TNS3: variants seen among roughly 807,000 people sequenced by gnomAD.
TNS3 encodes tensin 3.
A neutral mutation model predicts 140.9 loss-of-function variants in TNS3; 45 were observed. The ratio of observed to expected loss-of-function variants is 0.32; its 90% CI spans 0.25 to 0.41. The LOEUF is 0.41. Ranked by LOEUF, TNS3 falls within the 10% of genes least tolerant of loss-of-function variation. TNS3 has a pLI of 1.00. For missense variants in TNS3, 1,716 were observed against 1,906.7 expected, an observed-to-expected ratio of 0.90 and a Z score of 1.86; for synonymous variants, 815 against 788.4, an observed-to-expected ratio of 1.03 and a Z score of -0.56.
rs116051558 is a variant in TNS3, at chr7:47,498,982, G to A, written c.-115+7925C>T. Among the ~76,000 whole-genome samples the A allele has an allele frequency of 7.5e-3, 1,149 of 152,372 alleles. 10 individuals carry two copies. Among genetic ancestry groups the A allele is most frequent in the African/African-American group, 0.026 (1,102 of 41,588 alleles). On this transcript the variant is annotated intron_variant, in intron 3 of 30. Coordinates refer to ENST00000311160, the MANE Select transcript of TNS3 (RefSeq NM_022748.12). The stretch of plus-strand genomic sequence containing the variant: ...CACTTCCTCAGTTGACAGTGGCTTG[G>A]TCCTGCTGGCCACCTTCGAGTCCAA...
At chr7:47,443,182 A>G (rs1795555022) in intron 4 of TNS3, among the ~76,000 whole-genome samples, 1 of 152,020 alleles carries the variant, frequency 6.6e-6, no homozygotes, top group African/African-American at 2.4e-5. Context: ...TGGCCACTCC[A>G]CTTCTTTGTC....
In TNS3 at chr7:47,407,528, C is replaced by T. The variant is rs1489935796; in HGVS notation, c.723+4199G>A. On this transcript the variant is annotated intron_variant, in intron 13 of 30. Coordinates refer to ENST00000311160, the MANE Select transcript of TNS3 (RefSeq NM_022748.12). The surrounding 1 kb of genome is among the most constrained non-coding windows in gnomAD (Gnocchi z 4.1). ...CACAGGGACTGGGCCGTCAATGGCA[C>T]CTGACTGCGCTAGTAATCTTACTAA... Among the ~76,000 whole-genome samples, 2 of 152,190 alleles carry T rather than the reference C, an allele frequency of 1.3e-5. No individual in the cohort carries two copies. Among genetic ancestry groups the T allele is most frequent in the Non-Finnish European group, 2.9e-5 (2 of 68,034 alleles).
At chr7:47,293,363 CAGGGA>C (rs1785821793) in intron 25 of TNS3, among the ~76,000 whole-genome samples, 1 of 152,168 alleles carries the variant, frequency 6.6e-6, no homozygotes, top group African/African-American at 2.4e-5. Flanking sequence ...TCCCAATTTG[CAGGGA>C]AGGGAGGGTG....
At chr7:47,524,528 C>T (rs1416563525) in intron 2 of TNS3, among the ~76,000 whole-genome samples, 7 of 152,078 alleles carry the variant, frequency 4.6e-5, no homozygotes, top group Middle Eastern at 3.4e-3. Flanking sequence ...GGAGGCCGGG[C>T]GCGGTGGCTC....
chr7:47,580,919 A>G (rs1784513725), intron 1 of TNS3, among the ~76,000 whole-genome samples: 1 of 152,218 alleles, frequency 6.6e-6, no homozygotes, highest in South Asian at 2.1e-4. Context: ...GCATTCAAAT[A>G]GTGAAAAAAA....
intron 20 of TNS3, among the ~76,000 whole-genome samples, chr7:47,331,334 C>A (rs184889266): frequency 3.3e-5 from 5 of 152,264 alleles, no homozygotes; most frequent in Admixed American, 3.3e-4. Context: ...CTGAGAATTA[C>A]GTGCTGGCCA....
intron 16 of TNS3, among the ~76,000 whole-genome samples, chr7:47,396,296 G>A (rs962924258): frequency 1.3e-5 from 2 of 152,134 alleles, no homozygotes; most frequent in Admixed American, 6.6e-5. Flanking sequence ...GGTGAACAGA[G>A]GACATGTTTG....
intron 20 of TNS3, among the ~76,000 whole-genome samples, chr7:47,327,043 G>A (rs1222515700): frequency 6.6e-6 from 1 of 152,194 alleles, no homozygotes; most frequent in Non-Finnish European, 1.5e-5. Context: ...TCACAGGCCA[G>A]CCACGCAGAG....
chr7:47,318,005 C>G (rs1010911642), intron 20 of TNS3, among the ~76,000 whole-genome samples: 1 of 152,240 alleles, frequency 6.6e-6, no homozygotes, highest in Non-Finnish European at 1.5e-5. Context: ...GCTGTAGCAT[C>G]AAGTACATTC....
chr7:47,441,169 T>C (rs967997060), intron 5 of TNS3, among the ~76,000 whole-genome samples: 5 of 152,070 alleles, frequency 3.3e-5, no homozygotes, highest in Non-Finnish European at 7.4e-5. Context: ...CATACATTTA[T>C]TTTTATTTTT....
At chr7:47,544,329 T>C (rs1584840904) in intron 1 of TNS3, among the ~76,000 whole-genome samples, 1 of 152,218 alleles carries the variant, frequency 6.6e-6, no homozygotes, top group Non-Finnish European at 1.5e-5. Context: ...GGAGCACACC[T>C]TTCTCATGGT....
At chr7:47,579,839 T>G (rs1477427351) in intron 1 of TNS3, 1 of 985,296 alleles carries the variant, frequency 1.0e-6, no homozygotes, top group East Asian at 1.1e-4. Context: ...TTCCACTCAC[T>G]GTTCTTGCCA....
intron 2 of TNS3, among the ~76,000 whole-genome samples, chr7:47,512,346 C>T (rs928602369): frequency 6.6e-6 from 1 of 152,210 alleles, no homozygotes; most frequent in Non-Finnish European, 1.5e-5. Flanking sequence ...TCCAAGGATC[C>T]GTGCCAGTCA....
At chr7:47,316,120 C>G (rs1431478602) in intron 20 of TNS3, among the ~76,000 whole-genome samples, 1 of 148,990 alleles carries the variant, frequency 6.7e-6, no homozygotes, top group Non-Finnish European at 1.5e-5. Flanking sequence ...CTCTCTCTCT[C>G]TCTCTCTCTC....
chr7:47,435,179 C>A (rs1008005983), intron 8 of TNS3, 103 bp downstream of exon 8: 9 of 1,489,116 alleles, frequency 6.0e-6, no homozygotes, highest in Middle Eastern at 2.4e-4. Context: ...CACATCGCAC[C>A]AGCTCAAAGC....
chr7:47,297,065 G>C lies in TNS3; in HGVS notation c.3676+17C>G. 5 of 1,614,048 alleles carry C rather than the reference G, an allele frequency of 3.1e-6. No individual in the cohort carries two copies. Among genetic ancestry groups the C allele is most frequent in the Non-Finnish European group, 4.2e-6 (5 of 1,180,022 alleles). The stretch of plus-strand genomic sequence containing the variant: ...TGTGGATGAGCTGAACAGATCAATA[G>C]GGAGCAGTAACCTTACCTTTCTTGT... On this transcript the variant is annotated intron_variant, in intron 24 of 30. Transcript: ENST00000311160.
intron 1 of TNS3, among the ~76,000 whole-genome samples, chr7:47,573,212 G>A (rs1318616501): frequency 3.9e-5 from 6 of 152,206 alleles, no homozygotes; most frequent in African/African-American, 1.4e-4. Flanking sequence ...CCTTTGTTGA[G>A]GACCCAGGAG....
intron 17 of TNS3, among the ~76,000 whole-genome samples, chr7:47,352,215 C>G (rs1789720965): frequency 6.6e-6 from 1 of 152,148 alleles, no homozygotes; most frequent in Admixed American, 6.6e-5. Flanking sequence ...TGCTCTCACA[C>G]TTTCTCATAT....
At chr7:47,395,552 A>T (rs1441647442) in intron 16 of TNS3, among the ~76,000 whole-genome samples, 1 of 152,228 alleles carries the variant, frequency 6.6e-6, no homozygotes, top group Non-Finnish European at 1.5e-5. Flanking sequence ...CAGCTTTAAG[A>T]TTCCAGTGTG....
Sources: allele counts gnomAD v4.1 joint callset (sites outside exome capture counted in the v4.1 genomes callset), GRCh38; gene constraint gnomAD v4.1.1; non-coding constraint Gnocchi (gnomAD v3.1); transcripts MANE v1.5; gene names NCBI Gene and HGNC (gene_info 2026-07-23, HGNC 2026-07-21).